Variants in XKR4 observed in about 807,000 individuals in gnomAD.
The protein encoded by XKR4 is XK related 4.
A neutral mutation model predicts 53.9 loss-of-function variants in XKR4; 12 were observed. The ratio of observed to expected loss-of-function variants is 0.22; its 90% CI spans 0.14 to 0.36. The LOEUF (loss-of-function observed/expected upper bound fraction) is 0.36. XKR4 is among the 10% of genes least tolerant of loss of function. The pLI, the probability that XKR4 is intolerant of heterozygous loss-of-function variation, is 1.00. For synonymous variants in XKR4, 354 were observed against 362.4 expected (o/e 0.98, Z 0.26); for missense variants, 799 against 859.5 (o/e 0.93, Z 0.88).
chr8:55,472,807 G>A (rs934956234), intron 2 of XKR4, among the ~76,000 whole-genome samples: 5 of 152,028 alleles, frequency 3.3e-5, no homozygotes, highest in East Asian at 1.9e-4. Context: ...AGAATAATGG[G>A]GGGTGAGGAA....
intron 2 of XKR4, among the ~76,000 whole-genome samples, chr8:55,385,555 A>G (rs1490082907): frequency 6.6e-6 from 1 of 152,230 alleles, no homozygotes; most frequent in African/African-American, 2.4e-5. Context: ...AGTATTCAAT[A>G]TCTACTGAAT....
At chr8:55,201,533 G>A (rs954137541) in intron 1 of XKR4, among the ~76,000 whole-genome samples, 1 of 152,210 alleles carries the variant, frequency 6.6e-6, no homozygotes, top group Non-Finnish European at 1.5e-5. Flanking sequence ...TCATCAGGGA[G>A]GACACAGGTG....
rs529126928 is a variant in XKR4, at chr8:55,535,127, G to C, written c.*10900G>C. The C allele has an allele frequency of 1.3e-5, 2 of 151,994 alleles. No individual in the cohort carries two copies. The highest frequency in any genetic ancestry group is 4.8e-5 in the African/African-American group (2 of 41,368). 9.4% of individuals were successfully genotyped at this position (151,994 alleles called of 1,614,324 possible). A position where few individuals can be genotyped will look rare whatever the true frequency, so the allele number is the denominator to read the frequency against. On this transcript the variant is annotated 3_prime_UTR_variant, in exon 3 of 3. Coordinates refer to ENST00000327381, the MANE Select transcript of XKR4 (RefSeq NM_052898.2). ...TCCCAGTTATCAGCACTAGCATCACGGCGAGTCAGTTTTCAGAACTAGCTC... is the reference window on the plus strand; with the variant it reads ...TCCCAGTTATCAGCACTAGCATCACCGCGAGTCAGTTTTCAGAACTAGCTC...
At chr8:55,259,907 T>C (rs914928963) in intron 1 of XKR4, among the ~76,000 whole-genome samples, 1 of 151,832 alleles carries the variant, frequency 6.6e-6, no homozygotes, top group African/African-American at 2.4e-5. Context: ...CACCACACAC[T>C]CACCCACCCA....
At chr8:55,450,076 G>A (rs1374646470) in intron 2 of XKR4, 1 of 734,858 alleles carries the variant, frequency 1.4e-6, no homozygotes, top group Admixed American at 1.8e-5. Flanking sequence ...AAGGCGCCAT[G>A]CAGCCTTCAC....
rs151133468 is a variant in XKR4 at position 55,468,113 on chromosome 8, G to A, written c.1007-55168G>A. ...TCCATCACAGAAGACAGGAACTATA[G>A]AGTGGGAAATCTTGTACAAAGATGT... On this transcript the variant is annotated intron_variant, in intron 2 of 2. Transcript: ENST00000327381. 5.2e-4 allele frequency among the ~76,000 whole-genome samples: 79 copies of A among 152,174 alleles called. 2 individuals are homozygous for A. Among genetic ancestry groups the A allele is most frequent in the African/African-American group, 1.8e-3 (76 of 41,488 alleles).
At chr8:55,256,116 G>T (rs1375412001) in intron 1 of XKR4, among the ~76,000 whole-genome samples, 2 of 151,868 alleles carry the variant, frequency 1.3e-5, no homozygotes, top group Non-Finnish European at 2.9e-5. Flanking sequence ...GGCTGAGGAA[G>T]GCAGGGTAAA....
In XKR4 at chr8:55,386,390, C is replaced by T. The variant is rs115713265; in HGVS notation, c.1006+28513C>T. The stretch of plus-strand genomic sequence containing the variant: ...CTGCTTGCTTCCAGTAGTTATTTAG[C>T]ACACCCCACAAAGTACTGATGAAAG... On this transcript the variant is annotated intron_variant, in intron 2 of 2. Transcript: ENST00000327381. Among the ~76,000 whole-genome samples the T allele has an allele frequency of 7.6e-3, 1,155 of 152,318 alleles. 15 individuals are homozygous for T. Among genetic ancestry groups the T allele is most frequent in the African/African-American group, 0.026 (1,077 of 41,570 alleles).
At chr8:55,409,221 G>C (rs1247005138) in intron 2 of XKR4, among the ~76,000 whole-genome samples, 1 of 152,200 alleles carries the variant, frequency 6.6e-6, no homozygotes, top group Non-Finnish European at 1.5e-5. Flanking sequence ...TACAGGCCTG[G>C]CAGGCAGCAA....
At chr8:55,264,831 T>C (rs537727571) in intron 1 of XKR4, among the ~76,000 whole-genome samples, 1 of 152,314 alleles carries the variant, frequency 6.6e-6, no homozygotes, top group South Asian at 2.1e-4. Context: ...AGAATGTATA[T>C]TCCTATATAT....
intron 1 of XKR4, among the ~76,000 whole-genome samples, chr8:55,178,560 G>A (rs1817263663): frequency 6.6e-6 from 1 of 152,168 alleles, no homozygotes; most frequent in Non-Finnish European, 1.5e-5. Flanking sequence ...ATTCTATCAT[G>A]TGTTCTCCTG....
At chr8:55,306,731 G>A (rs531999342) in intron 1 of XKR4, among the ~76,000 whole-genome samples, 4 of 152,258 alleles carry the variant, frequency 2.6e-5, no homozygotes, top group East Asian at 1.9e-4. Context: ...GGGTGGGGAC[G>A]CAGCCTGACC....
intron 2 of XKR4, among the ~76,000 whole-genome samples, chr8:55,361,911 A>G (rs1262231834): frequency 6.6e-6 from 1 of 152,132 alleles, no homozygotes; most frequent in African/African-American, 2.4e-5. Context: ...TAACCTCCTC[A>G]GAGTATCCGG....
intron 1 of XKR4, among the ~76,000 whole-genome samples, chr8:55,112,562 G>GTTT (rs761779642): frequency 0.29 from 22,499 of 76,434 alleles, 5,897 homozygotes; most frequent in Admixed American, 0.34. Flanking sequence ...TACTTTTCAG[G>GTTT]TTTTTTTTTT....
At position 55,532,898 on chromosome 8, in the gene XKR4, T is replaced by C. The variant is rs1434877476; in HGVS notation, c.*8671T>C. The C allele has an allele frequency of 6.6e-6, 1 of 152,120 alleles. No individual in the cohort carries two copies. Among genetic ancestry groups the C allele is most frequent in the Non-Finnish European group, 1.5e-5 (1 of 68,026 alleles). 9.4% of individuals were successfully genotyped at this position (152,120 alleles called of 1,614,324 possible). ...ATTGTTGACCTTCTCCTCCTCTCCA[T>C]TGCTTAATTTATATTAAAACAGATT... On this transcript the variant is annotated 3_prime_UTR_variant, in exon 3 of 3. Transcript: ENST00000327381.
chr8:55,280,259 G>T (rs1205513951), intron 1 of XKR4, among the ~76,000 whole-genome samples: 1 of 152,138 alleles, frequency 6.6e-6, no homozygotes, highest in Non-Finnish European at 1.5e-5. Flanking sequence ...TCTTTCCTTT[G>T]GCTCAAAAGG....
At chr8:55,502,808 GC>G (rs2129403666) in intron 2 of XKR4, among the ~76,000 whole-genome samples, 1 of 152,096 alleles carries the variant, frequency 6.6e-6, no homozygotes, top group Admixed American at 6.5e-5. Flanking sequence ...ATATCATAAA[GC>G]TTTTCCTCTA....
At chr8:55,371,020 A>G (rs912394910) in intron 2 of XKR4, among the ~76,000 whole-genome samples, 2 of 151,228 alleles carry the variant, frequency 1.3e-5, no homozygotes, top group Admixed American at 6.6e-5. Flanking sequence ...ATTAGAAGTC[A>G]ATGTGCTGTG....
At chr8:55,441,396 A>G (rs557098129) in intron 2 of XKR4, among the ~76,000 whole-genome samples, 4 of 152,342 alleles carry the variant, frequency 2.6e-5, no homozygotes, top group African/African-American at 9.6e-5. Context: ...ATTTTCAGAA[A>G]TATGAGGAGA....
Sources: allele counts gnomAD v4.1 joint callset (sites outside exome capture counted in the v4.1 genomes callset), GRCh38; gene constraint gnomAD v4.1.1; transcripts MANE v1.5; gene names NCBI Gene and HGNC (gene_info 2026-07-23, HGNC 2026-07-21).